Variants in PTCH1 observed in about 807,000 individuals in gnomAD.
The protein encoded by PTCH1 is patched 1.
PTCH1 carries 14 observed loss-of-function variants against 144.6 expected under a neutral mutation model. The ratio of observed to expected loss-of-function variants is 0.10; its 90% confidence interval spans 0.06 to 0.15. The LOEUF (loss-of-function observed/expected upper bound fraction) is 0.15, where lower values mean the gene tolerates loss of function less well. PTCH1 is among the 10% of genes least tolerant of loss of function. The pLI is 1.00. For missense variants in PTCH1, 1,623 were observed against 1,948.3 expected (o/e 0.83, Z 3.14); for synonymous variants, 833 against 793.6 (o/e 1.05, Z -0.83).
chr9:95,446,875 C>G (rs1319608653), intron 23 of PTCH1, 36 bp downstream of exon 23: 1 of 1,612,818 alleles, frequency 6.2e-7, no homozygotes, highest in Non-Finnish European at 8.5e-7. Context: ...TTGCCTGGCT[C>G]TAGGTCCCTT....
At position 95,476,054 on chromosome 9, in the gene PTCH1, G is replaced by A. The variant is rs1841004985; in HGVS notation, c.1708C>T (p.Leu570=). 1.2e-6 allele frequency: 2 copies of A among 1,614,086 alleles called. No individual in the cohort carries two copies. Among genetic ancestry groups the A allele is most frequent in the Non-Finnish European group, 1.7e-6 (2 of 1,180,022 alleles). ...CTCACCTGGAGGGAGAACGCCCGCA[G>A]AGCGGGAATTGGGATTAACGCGGCC... ...FMAALIPIPA[L]RAFSLQAAVV... is the part of the protein sequence containing the mutation. The change falls in exon 12 of 24, where the codon CTG becomes TTG. Residue 570 remains leucine, a synonymous_variant. Transcript: ENST00000331920. The surrounding 1 kb of genome is among the most constrained non-coding windows in gnomAD (Gnocchi z 4.6).
At chr9:95,487,812 C>G (rs1247634244) in intron 2 of PTCH1, among the ~76,000 whole-genome samples, 1 of 152,196 alleles carries the variant, frequency 6.6e-6, no homozygotes, top group Non-Finnish European at 1.5e-5. Context: ...TGCACCTTTA[C>G]TGAAGCTTAA....
intron 2 of PTCH1, among the ~76,000 whole-genome samples, chr9:95,502,156 G>A (rs550855923): frequency 4.6e-5 from 7 of 152,276 alleles, no homozygotes; most frequent in Admixed American, 1.3e-4. Context: ...TGTTCCTTCT[G>A]CCCTGAATGC....
chr9:95,500,052 T>C (rs577151713), intron 2 of PTCH1, among the ~76,000 whole-genome samples: 3 of 152,140 alleles, frequency 2.0e-5, no homozygotes, highest in Admixed American at 2.0e-4. Flanking sequence ...AAACATGGCA[T>C]TGTGGAAACC....
chr9:95,495,053 C>T (rs978686062), intron 2 of PTCH1: 3 of 152,318 alleles, frequency 2.0e-5, no homozygotes, highest in East Asian at 1.9e-4. Flanking sequence ...GTGAATACCA[C>T]GCTGGCCTCA....
chr9:95,452,665 A>G (rs1838566734), intron 20 of PTCH1: 1 of 152,230 alleles, frequency 6.6e-6, no homozygotes, highest in South Asian at 2.1e-4. Flanking sequence ...TGAGATCCAA[A>G]CTAGGCTTAG....
At chr9:95,450,431 T>C (rs948142195) in intron 20 of PTCH1, 7 of 208,378 alleles carry the variant, frequency 3.4e-5, no homozygotes, top group African/African-American at 1.6e-4. Context: ...TAATCCACTG[T>C]GAAATGCTTC....
At chr9:95,513,459 T>G (rs917301438), upstream of PTCH1, among the ~76,000 whole-genome samples, 3 of 152,138 alleles carry the variant, frequency 2.0e-5, no homozygotes, top group Non-Finnish European at 4.4e-5. Flanking sequence ...GAGAGAGGAA[T>G]TGGGGATTTG....
chr9:95,475,371 G>A (rs950619631), intron 12 of PTCH1, among the ~76,000 whole-genome samples: 4 of 152,148 alleles, frequency 2.6e-5, no homozygotes, highest in Admixed American at 6.5e-5. Flanking sequence ...GAGGGATCAT[G>A]AGTCTGCTTG....
chr9:95,505,258 T>A (rs994967733), intron 2 of PTCH1, among the ~76,000 whole-genome samples: 2 of 152,186 alleles, frequency 1.3e-5, no homozygotes, highest in African/African-American at 4.8e-5. Flanking sequence ...GCATAACTCT[T>A]CAGCTTCCAC....
In PTCH1 at chr9:95,477,616, T is replaced by C; in HGVS notation, c.1434A>G (p.Ala478=). Residue 478 remains alanine, a synonymous_variant, in exon 10 of 24, where the codon GCA becomes GCG. Coordinates refer to ENST00000331920, the MANE Select transcript of PTCH1 (RefSeq NM_000264.5). ...GGCCCAGTCCTGCAGCCACTGACAG[T>C]GCAACCAGCAGGACGCCAGCCAGCC... ...AVGLAGVLLV[A]LSVAAGLGLC... 1 of 1,614,170 alleles carries C rather than the reference T, an allele frequency of 6.2e-7. No homozygotes were observed. Among genetic ancestry groups the C allele is most frequent in the East Asian group, 2.2e-5 (1 of 44,876 alleles).
chr9:95,488,532 A>G (rs1842150026), intron 2 of PTCH1, among the ~76,000 whole-genome samples: 1 of 147,094 alleles, frequency 6.8e-6, no homozygotes, highest in African/African-American at 2.5e-5. Context: ...ATGATTCAAA[A>G]ACGTTAATGA....
intron 3 of PTCH1, chr9:95,482,531 C>G (rs908732771): frequency 5.3e-6 from 2 of 376,808 alleles, no homozygotes; most frequent in African/African-American, 4.2e-5. Context: ...TCAGGGCAGC[C>G]CAGCTGAATT....
chr9:95,477,289 AC>A (rs1841123759), intron 10 of PTCH1, among the ~76,000 whole-genome samples: 1 of 152,158 alleles, frequency 6.6e-6, no homozygotes. Flanking sequence ...AAGAGCCACA[AC>A]CCTGGTCAAT....
Position 95,477,665 on chromosome 9 carries a change from C to T in PTCH1, c.1385G>A (p.Cys462Tyr), listed in dbSNP as rs2118309545. The T allele has an allele frequency of 3.7e-6, 6 of 1,614,182 alleles. No homozygotes were observed. Among genetic ancestry groups the T allele is most frequent in the Non-Finnish European group, 5.1e-6 (6 of 1,180,028 alleles). ...CCCCACGGCACCCTGGGACTTGGAG[C>T]AGTCCCAGCGCAGCATGGTTAGACA... Reference protein sequence around the residue: ...YACLTMLRWDCSKSQGAVGLA... With the variant: ...YACLTMLRWDYSKSQGAVGLA... The change falls in exon 10 of 24, where the codon TGC becomes TAC. Residue 462 changes from cysteine to tyrosine, a missense_variant. By Grantham distance (194) the Cys-to-Tyr change is radical. This residue lies in a region of PTCH1 where 135 missense variants were observed against 228.7 expected (regional missense o/e 0.59). Transcript: ENST00000331920.
chr9:95,487,359 ATTGCCGAGGGCC>A, intron 2 of PTCH1, among the ~76,000 whole-genome samples: 1 of 152,376 alleles, frequency 6.6e-6, no homozygotes, highest in Non-Finnish European at 1.5e-5. Flanking sequence ...GCCAGGGGGC[ATTGCCGAGGGCC>A]TTGCCATCAA....
In PTCH1 at chr9:95,458,301, G is replaced by A. The variant is rs567994836; in HGVS notation, c.2888-8C>T. ...TGGGCTCTGCTGCCGGGACTGGACA[G>A]AGAAGGGCACAGGTTAGGAGCAGCC... On this transcript the variant is annotated splice_polypyrimidine_tract_variant and splice_region_variant and intron_variant, in intron 17 of 23. Transcript: ENST00000331920. This position sits in a 1 kb window ranked among gnomAD's most constrained non-coding sequence, Gnocchi z 4.7. The A allele has an allele frequency of 7.6e-5, 123 of 1,613,426 alleles. No individual in the cohort carries two copies. In the South Asian group the frequency reaches 1.3e-3, roughly 17 times the overall value.
chr9:95,493,670 C>G (rs1842589427), intron 2 of PTCH1, among the ~76,000 whole-genome samples: 2 of 152,224 alleles, frequency 1.3e-5, no homozygotes, highest in South Asian at 4.1e-4. Flanking sequence ...GAGAGATTTT[C>G]TTTTTCTTTT....
rs1311707136 is a variant in PTCH1, at chr9:95,468,852, C to T, written c.2149G>A (p.Asp717Asn). Residue 717 changes from aspartate to asparagine, a missense_variant, in exon 14 of 24, where the codon GAC becomes AAC. Transcript: ENST00000331920. ...STRDLLSQFS[D>N]SSLHCLEPPC... ...GGCTCGAGGCAGTGGAGGCTGGAGT[C>T]GGAGAACTGGGAGAGCAGGTCCCTT... is the stretch of plus-strand genomic sequence containing the variant. 9.9e-6 allele frequency: 16 copies of T among 1,614,000 alleles called. No homozygotes were observed. Among genetic ancestry groups the T allele is most frequent in the East Asian group, 2.2e-5 (1 of 44,886 alleles).
Sources: allele counts gnomAD v4.1 joint callset (sites outside exome capture counted in the v4.1 genomes callset), GRCh38; gene constraint gnomAD v4.1.1; regional missense constraint gnomAD v4.1.1; non-coding constraint Gnocchi (gnomAD v3.1); transcripts MANE v1.5; gene names NCBI Gene and HGNC (gene_info 2026-07-23, HGNC 2026-07-21).